Variants in PUDP observed in about 807,000 individuals in gnomAD.
PUDP encodes the protein pseudouridine-5'-phosphatase.
PUDP carries 8 observed loss-of-function variants against 9.4 expected under a neutral mutation model. The observed-to-expected ratio is 0.85, with a 90% CI of 0.50 to 1.53. PUDP has a LOEUF of 1.53. PUDP is among the 40% of genes most tolerant of loss of function. The pLI, the probability that PUDP is intolerant of heterozygous loss-of-function variation, is 0.00. For missense variants in PUDP, 188 were observed against 189.7 expected (o/e 0.99, Z 0.05); for synonymous variants, 99 against 80.7 (o/e 1.23, Z -1.22).
intron 3 of PUDP, among the ~76,000 whole-genome samples, chrX:6,909,266 G>A (rs772126967): frequency 3.3e-4 from 37 of 111,224 alleles, no homozygotes; most frequent in African/African-American, 1.1e-3. Flanking sequence ...TTAAAAAAAA[G>A]AACAAAGCTG....
chrX:6,729,870 G>C (rs1455718298), intron 3 of PUDP, among the ~76,000 whole-genome samples: 1 of 110,802 alleles, frequency 9.0e-6, no homozygotes, highest in African/African-American at 3.3e-5. Flanking sequence ...AAGTTCAAAT[G>C]TTTAGCCAAC....
chrX:6,971,346 T>C (rs1928872527), intron 3 of PUDP, among the ~76,000 whole-genome samples: 1 of 111,476 alleles, frequency 9.0e-6, no homozygotes, highest in African/African-American at 3.3e-5. Flanking sequence ...TGCTTAGGAT[T>C]ATCTTGGCTA....
chrX:6,827,354 C>T (rs368469298), intron 3 of PUDP, among the ~76,000 whole-genome samples: 8 of 111,909 alleles, frequency 7.1e-5, no homozygotes, highest in South Asian at 7.5e-4. Context: ...AGTGTGGGAG[C>T]GGGCCCGAGC....
At position 7,050,413 on chromosome X, in the gene PUDP, C is replaced by T. The variant is rs770636195; in HGVS notation, c.570G>A (p.Gln190=). The part of the protein sequence containing the change: ...GVEAALAAGM[Q]VVMVPDGNLS... The stretch of plus-strand genomic sequence containing the variant: ...AGTTTCCGTCAGGAACCATGACCAC[C>T]TGCATCCCAGCTGCCAGGGCCGCCT... The change falls in exon 4 of 4, where the codon CAG becomes CAA. Residue 190 remains glutamine, a synonymous_variant. Transcript: ENST00000381077. The T allele has an allele frequency of 3.5e-5, 42 of 1,209,903 alleles. No homozygotes were observed. Among genetic ancestry groups the T allele is most frequent in the Non-Finnish European group, 4.7e-5 (42 of 894,808 alleles).
At chrX:7,008,215 C>T (rs1375225269) in intron 1 of PUDP, among the ~76,000 whole-genome samples, 2 of 110,965 alleles carry the variant, frequency 1.8e-5, no homozygotes, top group Non-Finnish European at 1.9e-5. Context: ...CCGCCCTCCT[C>T]GGCCTCCCAA....
intron 3 of PUDP, among the ~76,000 whole-genome samples, chrX:6,968,513 G>C: frequency 9.0e-6 from 1 of 111,235 alleles, no homozygotes; most frequent in East Asian, 2.9e-4. Context: ...CTGATGGTGG[G>C]GCCGATCGTC....
chrX:6,844,241 G>C (rs1926711840), intron 3 of PUDP, among the ~76,000 whole-genome samples: 1 of 112,821 alleles, frequency 8.9e-6, no homozygotes, highest in South Asian at 3.6e-4. Flanking sequence ...CTCATTTTAA[G>C]TTCAGCAATT....
intron 3 of PUDP, among the ~76,000 whole-genome samples, chrX:6,837,961 A>G (rs1168599004): frequency 8.9e-6 from 1 of 111,902 alleles, no homozygotes; most frequent in African/African-American, 3.2e-5. Flanking sequence ...CAATAGAAAT[A>G]TCAATGTATA....
Position 6,885,869 on chromosome X carries a change from C to T in PUDP, c.*247+91264G>A, listed in dbSNP as rs542197173. Among the ~76,000 whole-genome samples, 4 of 112,606 alleles carry T rather than the reference C, an allele frequency of 3.6e-5. No individual in the cohort carries two copies. In the East Asian group the frequency reaches 8.3e-4, roughly 23 times the overall value. ...AACACCAAACAAATGGAACTGAATA[C>T]AGAGATACAGTTACACTTTCCTTTA... On this transcript the variant is annotated intron_variant and NMD_transcript_variant, in intron 3 of 3. Coordinates refer to the PUDP transcript ENST00000655425.
chrX:6,856,896 A>G (rs992823060), intron 3 of PUDP, among the ~76,000 whole-genome samples: 1 of 112,335 alleles, frequency 8.9e-6, no homozygotes, highest in Admixed American at 9.4e-5. Context: ...TAAGCCAATT[A>G]AGAAGACAGA....
At chrX:7,069,958 G>A (rs140271340) in intron 3 of PUDP, among the ~76,000 whole-genome samples, 6 of 112,345 alleles carry the variant, frequency 5.3e-5, no homozygotes, top group African/African-American at 1.3e-4. Context: ...ATGTTAAGAT[G>A]ACATACAAAT....
Position 7,116,994 on chromosome X carries a change from G to T in PUDP, c.62-11156C>A, listed in dbSNP as rs1469041755. ...TCCACCGTGATTGTAAGCCTCTTGA[G>T]GACTCCCCCGAAGCAGCTGCCACTA... On this transcript the variant is annotated intron_variant, in intron 1 of 3. Coordinates refer to ENST00000381077, the MANE Select transcript of PUDP (RefSeq NM_012080.5). 7 of 1,165,302 alleles carry T rather than the reference G, an allele frequency of 6.0e-6. No homozygotes were observed. In the East Asian group the frequency reaches 2.3e-4, roughly 38 times the overall value.
At chrX:7,087,413 T>G (rs1354988801) in intron 2 of PUDP, among the ~76,000 whole-genome samples, 1 of 111,532 alleles carries the variant, frequency 9.0e-6, no homozygotes, top group East Asian at 2.8e-4. Context: ...ACACCTTGAC[T>G]TCGGACTTCT....
intron 3 of PUDP, among the ~76,000 whole-genome samples, chrX:6,738,281 G>C (rs187279485): frequency 5.4e-5 from 6 of 111,727 alleles, no homozygotes; most frequent in Admixed American, 4.7e-4. Flanking sequence ...TGGATGATGG[G>C]CAACAATGTA....
At chrX:7,126,179 G>C (rs1231577350) in intron 1 of PUDP, among the ~76,000 whole-genome samples, 1 of 111,927 alleles carries the variant, frequency 8.9e-6, no homozygotes. Flanking sequence ...CATGTCACAG[G>C]AATATTTCTT....
intron 2 of PUDP, among the ~76,000 whole-genome samples, chrX:7,098,069 G>C (rs769910614): frequency 9.0e-6 from 1 of 111,449 alleles, no homozygotes; most frequent in Non-Finnish European, 1.9e-5. Context: ...GTGAGGACTG[G>C]ATCCTCCTGG....
intron 1 of PUDP, among the ~76,000 whole-genome samples, chrX:6,712,626 C>T (rs1924546570): frequency 8.9e-6 from 1 of 112,075 alleles, no homozygotes; most frequent in African/African-American, 3.2e-5. Flanking sequence ...TCACCATGTT[C>T]ATCTTGGGGA....
intron 3 of PUDP, among the ~76,000 whole-genome samples, chrX:6,931,590 T>C (rs972282162): frequency 5.3e-5 from 6 of 112,366 alleles, no homozygotes; most frequent in African/African-American, 1.3e-4. Context: ...ATTTGCTATT[T>C]CTGTGTCCGT....
chrX:7,068,702 AG>A (rs1930643483), intron 3 of PUDP, among the ~76,000 whole-genome samples: 1 of 112,188 alleles, frequency 8.9e-6, no homozygotes, highest in Non-Finnish European at 1.9e-5. Context: ...GGGTGCCTGG[AG>A]GGACAGGAGC....
Sources: gnomAD v4.1 joint callset for allele counts (sites outside exome capture counted in the v4.1 genomes callset) on GRCh38, gnomAD v4.1.1 for gene constraint, MANE v1.5 for transcripts, NCBI Gene and HGNC (gene_info 2026-07-23, HGNC 2026-07-21) for gene names.